Variants in PCDHA11 observed in about 807,000 individuals in gnomAD.
PCDHA11 encodes the protein protocadherin alpha 11.
In PCDHA11, 61 loss-of-function variants were observed where a neutral mutation model predicts 70.3. The ratio of observed to expected loss-of-function variants is 0.87; its 90% CI spans 0.71 to 1.07. The LOEUF (loss-of-function observed/expected upper bound fraction) is 1.07, where lower values mean the gene tolerates loss of function less well. Among genes scored for constraint, PCDHA11 ranks in the 50% least tolerant of loss-of-function variants. PCDHA11 has a pLI of 0.00. For synonymous variants in PCDHA11, 633 were observed against 555.1 expected, an observed-to-expected ratio of 1.14 and a Z score of -1.97; for missense variants, 1,324 against 1,237.5, an observed-to-expected ratio of 1.07 and a Z score of -1.05.
chr5:140,882,218 G>A, intron 1 of PCDHA11: 5 of 1,545,760 alleles, frequency 3.2e-6, no homozygotes, highest in Non-Finnish European at 4.4e-6. Flanking sequence ...GACAGTTTGA[G>A]GTAAGGCGTT....
At chr5:140,986,861 C>T (rs1007036038) in intron 3 of PCDHA11, among the ~76,000 whole-genome samples, 12 of 152,086 alleles carry the variant, frequency 7.9e-5, no homozygotes, top group Non-Finnish European at 1.0e-4. Flanking sequence ...CAACAATACC[C>T]GGAAACTTGT....
chr5:140,871,461 A>G lies in PCDHA11; in HGVS notation c.2358A>G (p.Glu786=). ...GTCTGAATAAAGAGGAGGAAGGGGA[A>G]AGACAGGAGCCAGGGTCAAATCACC... ...PLGLNKEEEG[E]RQEPGSNHPG... is the part of the protein sequence containing the mutation. Residue 786 remains glutamate (E), a synonymous_variant, in exon 1 of 4, where the codon GAA becomes GAG. Transcript: ENST00000398640. The G allele has an allele frequency of 6.2e-7, 1 of 1,605,278 alleles. No homozygotes were observed. The highest frequency in any genetic ancestry group is 8.5e-7 in the Non-Finnish European group (1 of 1,175,170).
At chr5:140,984,631 T>C (rs1400847452) in intron 3 of PCDHA11, among the ~76,000 whole-genome samples, 1 of 152,192 alleles carries the variant, frequency 6.6e-6, no homozygotes, top group Non-Finnish European at 1.5e-5. Flanking sequence ...TTAAAGGGAT[T>C]CTCTGCCTTC....
intron 1 of PCDHA11, chr5:140,875,435 A>G (rs1562696598): frequency 6.4e-7 from 1 of 1,563,788 alleles, no homozygotes; most frequent in East Asian, 2.3e-5. Context: ...GATCCCTTAA[A>G]ACTGATTGTC....
chr5:140,924,008 C>T lies in PCDHA11; in HGVS notation c.2391+52514C>T, dbSNP rs75028295. On this transcript the variant is annotated intron_variant, in intron 1 of 3. Coordinates refer to ENST00000398640, the MANE Select transcript of PCDHA11 (RefSeq NM_018902.5). ...TAGGTGCAGCTCAGAATTCCTAAAC[C>T]TGGTATAATTGGAGGCATGGCTGCA... 7.8e-3 allele frequency among the ~76,000 whole-genome samples: 1,191 copies of T among 152,262 alleles called. 21 individuals are homozygous for T. The highest frequency in any genetic ancestry group is 0.026 in the African/African-American group (1,098 of 41,552).
chr5:140,948,189 G>A (rs1032631604), intron 1 of PCDHA11, among the ~76,000 whole-genome samples: 4 of 151,532 alleles, frequency 2.6e-5, no homozygotes, highest in African/African-American at 9.7e-5. Context: ...ATCCCACTTA[G>A]TCATGATATA....
intron 1 of PCDHA11, chr5:140,928,585 G>C: frequency 2.5e-6 from 4 of 1,614,194 alleles, no homozygotes; most frequent in Non-Finnish European, 3.4e-6. Flanking sequence ...AAATGGTTCT[G>C]TCCCAGTGGA....
intron 1 of PCDHA11, among the ~76,000 whole-genome samples, chr5:140,908,736 A>G (rs2074127705): frequency 6.6e-6 from 1 of 152,180 alleles, no homozygotes; most frequent in African/African-American, 2.4e-5. Flanking sequence ...GGCTCGAGAA[A>G]CAGAGCAACT....
At chr5:140,959,815 C>T (rs1239999748) in intron 1 of PCDHA11, among the ~76,000 whole-genome samples, 1 of 151,920 alleles carries the variant, frequency 6.6e-6, no homozygotes, top group Non-Finnish European at 1.5e-5. Context: ...TATATTTTAC[C>T]CACATGATAA....
chr5:140,899,606 A>G (rs1330407383), intron 1 of PCDHA11, among the ~76,000 whole-genome samples: 1 of 152,168 alleles, frequency 6.6e-6, no homozygotes, highest in Non-Finnish European at 1.5e-5. Flanking sequence ...GGACTTTTGC[A>G]TCAATGTTCA....
rs868923213 is a variant in PCDHA11 at position 140,920,059 on chromosome 5, G to C, written c.2391+48565G>C. 3.9e-5 allele frequency among the ~76,000 whole-genome samples: 6 copies of C among 152,144 alleles called. No individual in the cohort carries two copies. The South Asian group carries it at 6.2e-4, about 16-fold the overall frequency. The stretch of plus-strand genomic sequence containing the variant: ...GTGATGTCAACAGCCACCAACACCT[G>C]GAAAAGGCAGAAACAGATTCTCCGT... On this transcript the variant is annotated intron_variant, in intron 1 of 3. Transcript: ENST00000398640.
At chr5:140,954,183 A>T (rs246025) in intron 1 of PCDHA11, among the ~76,000 whole-genome samples, 85,732 of 152,134 alleles carry the variant, frequency 0.56, 24,791 homozygotes, top group African/African-American at 0.69. Flanking sequence ...CCAGTCTATC[A>T]TTGATGGGCA....
At chr5:140,942,860 G>T (rs1262172468) in intron 1 of PCDHA11, among the ~76,000 whole-genome samples, 15 of 151,964 alleles carry the variant, frequency 9.9e-5, no homozygotes, top group Admixed American at 9.8e-4. Context: ...TGATTATTTT[G>T]CTTTAGCATG....
chr5:140,895,500 G>A (rs1554186539), intron 1 of PCDHA11, among the ~76,000 whole-genome samples: 2 of 152,046 alleles, frequency 1.3e-5, no homozygotes, highest in African/African-American at 2.4e-5. Context: ...CAGAACTTTT[G>A]CCCAATTTTT....
In PCDHA11 at chr5:140,982,461, G is replaced by A. The variant is rs765899879; in HGVS notation, c.2451-14G>A. The A allele has an allele frequency of 4.7e-5, 76 of 1,614,088 alleles. No individual in the cohort carries two copies. The highest frequency in any genetic ancestry group is 5.8e-5 in the Non-Finnish European group (68 of 1,180,014). On this transcript the variant is annotated splice_polypyrimidine_tract_variant and intron_variant, in intron 2 of 3. Coordinates refer to ENST00000398640, the MANE Select transcript of PCDHA11 (RefSeq NM_018902.5). ...TATGATCTAACCGTTATCTGGGTCTGTGTGTTTATTCAGCTCTGTGCACCT... is the reference window on the plus strand; with the variant it reads ...TATGATCTAACCGTTATCTGGGTCTATGTGTTTATTCAGCTCTGTGCACCT...
At chr5:140,873,631 A>G (rs2054392579) in intron 1 of PCDHA11, among the ~76,000 whole-genome samples, 1 of 152,222 alleles carries the variant, frequency 6.6e-6, no homozygotes, top group Non-Finnish European at 1.5e-5. Flanking sequence ...TTTAGGTCAA[A>G]GAGTATGTGA....
rs2098422926 is a variant in PCDHA11 at position 141,012,085 on chromosome 5, G to A, written c.*2148G>A. The A allele has an allele frequency of 1.3e-5, 2 of 153,740 alleles. No homozygotes were observed. Among genetic ancestry groups the A allele is most frequent in the Admixed American group, 1.3e-4 (2 of 15,280 alleles). 9.5% of individuals were successfully genotyped at this position (153,740 alleles called of 1,614,324 possible). A position where few individuals can be genotyped will look rare whatever the true frequency, so the allele number is the denominator to read the frequency against. ...ACATGTGAACCATTGCTACATTGTAGGTTGTGATCATTTTGCCCCACTGAA... is the reference window on the plus strand; with the variant it reads ...ACATGTGAACCATTGCTACATTGTAAGTTGTGATCATTTTGCCCCACTGAA... On this transcript the variant is annotated 3_prime_UTR_variant, in exon 4 of 4. Coordinates refer to ENST00000398640, the MANE Select transcript of PCDHA11 (RefSeq NM_018902.5).
chr5:140,959,532 T>C (rs919329459), intron 1 of PCDHA11, among the ~76,000 whole-genome samples: 1 of 152,198 alleles, frequency 6.6e-6, no homozygotes, highest in Admixed American at 6.5e-5. Context: ...GACCATTAAT[T>C]CAGAGATGCT....
intron 1 of PCDHA11, among the ~76,000 whole-genome samples, chr5:140,938,866 G>A (rs1372323218): frequency 2.6e-5 from 4 of 152,040 alleles, no homozygotes; most frequent in African/African-American, 9.7e-5. Context: ...GAACTTAAAA[G>A]TTAAGAAGCA....
Sources: allele counts gnomAD v4.1 joint callset (sites outside exome capture counted in the v4.1 genomes callset), GRCh38; gene constraint gnomAD v4.1.1; transcripts MANE v1.5; gene names NCBI Gene and HGNC (gene_info 2026-07-23, HGNC 2026-07-21).